The following VRK2 variants were observed in gnomAD, a reference collection of about 807,000 sequenced individuals.
VRK2 encodes the protein serine/threonine-protein kinase VRK2.
VRK2 carries 60 observed loss-of-function variants against 57.6 expected under a neutral mutation model. That is an observed-to-expected ratio of 1.04 (90% CI 0.85 to 1.29). The LOEUF (loss-of-function observed/expected upper bound fraction) is 1.29. Among genes scored for constraint, VRK2 ranks in the 50% most tolerant of loss-of-function variants. VRK2 has a pLI of 0.00. For missense variants in VRK2, 705 were observed against 588.1 expected (o/e 1.20, Z -2.06); for synonymous variants, 231 against 199.2 (o/e 1.16, Z -1.35).
intron 8 of VRK2, among the ~76,000 whole-genome samples, chr2:58,124,501 AAC>A (rs768650078): frequency 6.6e-6 from 1 of 152,224 alleles, no homozygotes; most frequent in Admixed American, 6.5e-5. Flanking sequence ...ACAATTTTTA[AAC>A]AGTTTTGAAA....
intron 7 of VRK2, among the ~76,000 whole-genome samples, chr2:58,120,184 C>CTTTTATTTTTTTTTTTTTTTT (rs1677217985): frequency 1.9e-5 from 1 of 51,988 alleles, no homozygotes; most frequent in Non-Finnish European, 3.2e-5. Flanking sequence ...TTTTTCTTTT[C>CTTTTATTTTTTTTTTTTTTTT]TTTTTTTTTT....
intron 7 of VRK2, among the ~76,000 whole-genome samples, chr2:58,092,988 T>G (rs1379053816): frequency 6.6e-6 from 1 of 152,228 alleles, no homozygotes; most frequent in Non-Finnish European, 1.5e-5. Flanking sequence ...ACAAAGGACA[T>G]GAACTCATCC....
chr2:58,040,488 T>A (rs1045914924), intron 3 of VRK2, among the ~76,000 whole-genome samples: 5 of 152,242 alleles, frequency 3.3e-5, no homozygotes, highest in African/African-American at 1.2e-4. Flanking sequence ...CTAAATACAC[T>A]GTTTACATTA....
intron 12 of VRK2, among the ~76,000 whole-genome samples, chr2:58,156,877 A>C (rs1683961002): frequency 6.6e-6 from 1 of 152,184 alleles, no homozygotes; most frequent in South Asian, 2.1e-4. Flanking sequence ...GTTATGGGTC[A>C]CATTTCCTGC....
chr2:57,946,397 AGC>A (rs1004269021), intron 1 of VRK2, among the ~76,000 whole-genome samples: 26 of 152,046 alleles, frequency 1.7e-4, no homozygotes, highest in African/African-American at 5.8e-4. Flanking sequence ...CATATTATGC[AGC>A]AAGAAGATTT....
At chr2:58,077,789 A>G (rs1670329234) in intron 2 of VRK2, among the ~76,000 whole-genome samples, 1 of 152,094 alleles carries the variant, frequency 6.6e-6, no homozygotes, top group African/African-American at 2.4e-5. Flanking sequence ...TTAGTGGGAT[A>G]AGGCCAACAA....
Position 57,980,574 on chromosome 2 carries a change from G to T in VRK2, c.-438-45091G>T, listed in dbSNP as rs1022977741. On this transcript the variant is annotated intron_variant, in intron 1 of 15. Transcript: ENST00000417641. ...GTCATTTGGTCAAATATCAAATTTC[G>T]GTACTGAATATCTTTGTAAGTTTTC... Among the ~76,000 whole-genome samples the T allele has an allele frequency of 3.9e-5, 6 of 151,960 alleles. No individual in the cohort carries two copies. In the East Asian group the frequency reaches 1.2e-3, roughly 29 times the overall value.
At chr2:58,159,901 T>C (rs899343875), downstream of VRK2, 2 of 1,556,514 alleles carry the variant, frequency 1.3e-6, no homozygotes, top group Admixed American at 2.0e-5. Flanking sequence ...CATAGTACAG[T>C]TTGGAAAACA....
chr2:57,929,346 G>T (rs1255494677), intron 1 of VRK2, among the ~76,000 whole-genome samples: 1 of 152,142 alleles, frequency 6.6e-6, no homozygotes, highest in African/African-American at 2.4e-5. Flanking sequence ...ACTGCCTTAG[G>T]CCTATGGTGA....
chr2:57,990,113 C>T (rs1457226449), intron 1 of VRK2, among the ~76,000 whole-genome samples: 1 of 152,136 alleles, frequency 6.6e-6, no homozygotes, highest in East Asian at 1.9e-4. Context: ...CATTGTTGAC[C>T]TTGGCCATCC....
At chr2:58,020,348 G>A (rs1673713828) in intron 1 of VRK2, among the ~76,000 whole-genome samples, 1 of 152,162 alleles carries the variant, frequency 6.6e-6, no homozygotes, top group Non-Finnish European at 1.5e-5. Context: ...TCTGACTACA[G>A]GTGTGTACCA....
intron 12 of VRK2, chr2:58,154,653 A>G: frequency 1.4e-6 from 1 of 689,904 alleles, no homozygotes; most frequent in Non-Finnish European, 2.7e-6. Context: ...GGTCTCTTTG[A>G]CCCATTTAAA....
chr2:58,157,180 T>C (rs993479016), intron 12 of VRK2, among the ~76,000 whole-genome samples: 2 of 152,162 alleles, frequency 1.3e-5, no homozygotes, highest in South Asian at 4.1e-4. Context: ...TTTCTATTAT[T>C]TATTTATGGG....
At position 58,057,411 on chromosome 2, in the gene VRK2, T is replaced by C. The variant is rs79643656; in HGVS notation, c.136+8444T>C. ...AGAAGCTGTGTACTTAATCCATAGA[T>C]TGTAGAATTTATTGTGAAGAGTCTA... On this transcript the variant is annotated intron_variant, in intron 2 of 12. Coordinates refer to ENST00000340157, the MANE Select transcript of VRK2 (RefSeq NM_006296.7). Among the ~76,000 whole-genome samples the C allele has an allele frequency of 3.6e-3, 543 of 152,268 alleles. 4 individuals carry two copies. Among genetic ancestry groups the C allele is most frequent in the African/African-American group, 0.013 (532 of 41,554 alleles).
chr2:58,103,253 G>T (rs1674270344), intron 7 of VRK2, among the ~76,000 whole-genome samples: 1 of 150,724 alleles, frequency 6.6e-6, no homozygotes. Flanking sequence ...GTGAAATTGA[G>T]ACCAAAAATT....
At chr2:57,999,240 G>A (rs182617180) in intron 1 of VRK2, among the ~76,000 whole-genome samples, 3 of 152,138 alleles carry the variant, frequency 2.0e-5, no homozygotes, top group Admixed American at 2.0e-4. Context: ...AGTATTTCAG[G>A]CCATATAATG....
intron 7 of VRK2, among the ~76,000 whole-genome samples, chr2:58,091,294 C>G (rs1291349266): frequency 2.0e-5 from 3 of 152,110 alleles, no homozygotes; most frequent in African/African-American, 7.2e-5. Flanking sequence ...AGCGGAGAGA[C>G]TTTGTGTGGG....
At chr2:57,954,726 C>G (rs1310992870) in intron 1 of VRK2, among the ~76,000 whole-genome samples, 1 of 151,758 alleles carries the variant, frequency 6.6e-6, no homozygotes, top group Non-Finnish European at 1.5e-5. Context: ...CCAGGCCCAC[C>G]TGTAAATTTT....
At chr2:57,971,317 T>C (rs762617723) in intron 1 of VRK2, among the ~76,000 whole-genome samples, 6 of 152,112 alleles carry the variant, frequency 3.9e-5, no homozygotes, top group South Asian at 2.1e-4. Context: ...AGGATTGTCA[T>C]GGAGGCACCC....
Sources: gnomAD v4.1 joint callset for allele counts (sites outside exome capture counted in the v4.1 genomes callset) on GRCh38, gnomAD v4.1.1 for gene constraint, MANE v1.5 for transcripts, NCBI Gene and HGNC (gene_info 2026-07-23, HGNC 2026-07-21) for gene names.